MINK1: variants seen among roughly 807,000 people sequenced by gnomAD.
MINK1 encodes misshapen like kinase 1.
A neutral mutation model predicts 178.4 loss-of-function variants in MINK1; 46 were observed. The observed-to-expected ratio is 0.26, with a 90% CI of 0.20 to 0.33. The LOEUF (loss-of-function observed/expected upper bound fraction) is 0.33, where lower values mean the gene tolerates loss of function less well. MINK1 is among the 10% of genes least tolerant of loss of function. MINK1 has a pLI of 1.00. For missense variants in MINK1, 1,366 were observed against 1,814.9 expected, an observed-to-expected ratio of 0.75 and a Z score of 4.49; for synonymous variants, 797 against 709.7, an observed-to-expected ratio of 1.12 and a Z score of -1.96.
rs111836870 is a variant in MINK1 at position 4,842,210 on chromosome 17, C to T, written c.57+8570C>T. Among the ~76,000 whole-genome samples the T allele has an allele frequency of 1.8e-3, 232 of 125,972 alleles. 2 individuals carry two copies. The highest frequency in any genetic ancestry group is 9.5e-3 in the Middle Eastern group (2 of 210). 82.6% of individuals were successfully genotyped at this position (125,972 alleles called of 152,430 possible). A position where few individuals can be genotyped will look rare whatever the true frequency, so the allele number is the denominator to read the frequency against. Reference sequence around the variant, plus strand: ...CTGCACTCCAGCCTGGGCGACAGAGCGAGACTCTGTCCAAAAAAAAAAAAA... The same window carrying T: ...CTGCACTCCAGCCTGGGCGACAGAGTGAGACTCTGTCCAAAAAAAAAAAAA... On this transcript the variant is annotated intron_variant, in intron 1 of 31. Transcript: ENST00000355280.
At chr17:4,893,172 G>T (rs767896229) in intron 20 of MINK1, 105 bp downstream of exon 20, 90 of 1,520,082 alleles carry the variant, frequency 5.9e-5, no homozygotes, top group Non-Finnish European at 7.8e-5. Context: ...ACCGAGAAGG[G>T]CTGTGGGGAT....
rs760749453 is a variant in MINK1, at chr17:4,891,142, C to A, written c.1740+18C>A. On this transcript the variant is annotated intron_variant, in intron 15 of 31. Transcript: ENST00000355280. ...CGCACAAGGTGAGTCTCTCCCCACCCCTGTCTTAATGAAGACACAGGGAGC... is the reference window on the plus strand; with the variant it reads ...CGCACAAGGTGAGTCTCTCCCCACCACTGTCTTAATGAAGACACAGGGAGC... 10 of 1,493,090 alleles carry A rather than the reference C, an allele frequency of 6.7e-6. No homozygotes were observed. Among genetic ancestry groups the A allele is most frequent in the Non-Finnish European group, 8.0e-6 (9 of 1,122,242 alleles). 92.5% of individuals were successfully genotyped at this position (1,493,090 alleles called of 1,614,324 possible).
chr17:4,865,200 G>A (rs372786807), intron 1 of MINK1, among the ~76,000 whole-genome samples: 1 of 152,044 alleles, frequency 6.6e-6, no homozygotes, highest in Admixed American at 6.6e-5. Flanking sequence ...GGAGGCCGAG[G>A]CGGGCAGATC....
chr17:4,894,124 C>A lies in MINK1; in HGVS notation c.2670+31C>A. The A allele has an allele frequency of 6.2e-7, 1 of 1,608,576 alleles. No individual in the cohort carries two copies. The highest frequency in any genetic ancestry group is 8.5e-7 in the Non-Finnish European group (1 of 1,176,676). On this transcript the variant is annotated intron_variant, in intron 22 of 31. Transcript: ENST00000355280. The surrounding 1 kb of genome is among the most constrained non-coding windows in gnomAD (Gnocchi z 4.1). The stretch of plus-strand genomic sequence containing the variant: ...TGAGCCTCTGCTCCCTCCCCTGTAC[C>A]TGTGTGTGCCCTCCTCAGCCCCACG...
intron 2 of MINK1, 141 bp downstream of exon 2, chr17:4,878,523 G>T (rs1597500601): frequency 4.0e-6 from 3 of 741,226 alleles, no homozygotes; most frequent in East Asian, 5.9e-5. Context: ...AAGGTAGAGT[G>T]GGGGAGAGGA....
intron 1 of MINK1, among the ~76,000 whole-genome samples, chr17:4,860,073 G>A (rs1444523198): frequency 6.6e-6 from 1 of 150,432 alleles, no homozygotes; most frequent in African/African-American, 2.5e-5. Flanking sequence ...GGTCGCGTCC[G>A]GGAACTACTT....
chr17:4,895,206 C>T lies in MINK1; in HGVS notation c.3049C>T (p.Arg1017Ter). 1 of 1,614,102 alleles carries T rather than the reference C, an allele frequency of 6.2e-7. No homozygotes were observed. Among genetic ancestry groups the T allele is most frequent in the East Asian group, 2.2e-5 (1 of 44,874 alleles). ...ETPEIRKYKK[R>*]FNSEILCAAL... ...CCCTGAGATCCGGAAGTACAAGAAG[C>T]GATTCAACTCCGAGATCCTCTGTGC... The change falls in exon 25 of 32, where the codon CGA (arginine) becomes TGA (stop). Residue 1017 changes from arginine (R) to a stop codon, truncating the protein, a stop_gained. Coordinates refer to ENST00000355280, the MANE Select transcript of MINK1 (RefSeq NM_153827.5). LOFTEE classifies it high-confidence loss of function. This position sits in a 1 kb window ranked among gnomAD's most constrained non-coding sequence, Gnocchi z 4.3.
chr17:4,851,204 T>C (rs1477485648), intron 1 of MINK1, among the ~76,000 whole-genome samples: 1 of 152,234 alleles, frequency 6.6e-6, no homozygotes, highest in African/African-American at 2.4e-5. Context: ...AATGACTCTA[T>C]GCAAATTTGT....
In MINK1 at chr17:4,885,394, C is replaced by T. The variant is rs184521454; in HGVS notation, c.509-89C>T. 1,503 of 1,547,958 alleles carry T rather than the reference C, an allele frequency of 9.7e-4. 4 individuals are homozygous for T. The highest frequency in any genetic ancestry group is 7.7e-4 in the Non-Finnish European group (871 of 1,138,062). ...GGTCGGGCCAGGACCACAGCTGGCT[C>T]AGGCAAGTCCTGTGTGTGCACGCAG... On this transcript the variant is annotated intron_variant, in intron 6 of 31. Transcript: ENST00000355280. This position sits in a 1 kb window ranked among gnomAD's most constrained non-coding sequence, Gnocchi z 5.0.
chr17:4,893,744 T>A, intron 21 of MINK1, 147 bp downstream of exon 21: 1 of 1,204,224 alleles, frequency 8.3e-7, no homozygotes, highest in Non-Finnish European at 1.1e-6. Context: ...GGTTCCTGTC[T>A]CTCTCCCGCT....
chr17:4,854,282 C>G (rs953897524), intron 1 of MINK1, among the ~76,000 whole-genome samples: 7 of 152,166 alleles, frequency 4.6e-5, no homozygotes, highest in Non-Finnish European at 2.9e-5. Context: ...CCAGCTCCCT[C>G]CAGGTGTCAG....
rs536447697 is a variant in MINK1 at position 4,875,802 on chromosome 17, T to C, written c.58-2515T>C. Among the ~76,000 whole-genome samples the C allele has an allele frequency of 1.6e-4, 25 of 151,844 alleles. No individual in the cohort carries two copies. In the East Asian group the frequency reaches 2.0e-3, roughly 12 times the overall value. On this transcript the variant is annotated intron_variant, in intron 1 of 31. Coordinates refer to ENST00000355280, the MANE Select transcript of MINK1 (RefSeq NM_153827.5). ...AAATGAATAAATTTGTTAGGTTTTT[T>C]TTCCCCCCGCCGAGACAGAGCCTTG...
chr17:4,857,234 T>TG, intron 1 of MINK1: 1 of 279,938 alleles, frequency 3.6e-6, no homozygotes, highest in South Asian at 3.5e-5. Context: ...GGATCAGCTC[T>TG]GGCCACATGA....
chr17:4,864,340 A>C (rs1044032005), intron 1 of MINK1, among the ~76,000 whole-genome samples: 1 of 151,264 alleles, frequency 6.6e-6, no homozygotes, highest in East Asian at 2.0e-4. Flanking sequence ...CGGAGGTTGC[A>C]GTGAGCCGAA....
rs1374800621 is a variant in MINK1 at position 4,890,497 on chromosome 17, C to A, written c.1348-20C>A. On this transcript the variant is annotated intron_variant, in intron 13 of 31. Coordinates refer to ENST00000355280, the MANE Select transcript of MINK1 (RefSeq NM_153827.5). ...AGGGCCACACCCTGCTGAGCCCTCTCTCCCTACCCTTGGGCCCAGGAATAC... is the reference window on the plus strand; with the variant it reads ...AGGGCCACACCCTGCTGAGCCCTCTATCCCTACCCTTGGGCCCAGGAATAC... 1 of 1,572,900 alleles carries A rather than the reference C, an allele frequency of 6.4e-7. No homozygotes were observed.
intron 1 of MINK1, chr17:4,844,676 A>G (rs1449044342): frequency 2.4e-6 from 1 of 410,082 alleles, no homozygotes; most frequent in Non-Finnish European, 4.7e-6. Context: ...TTCTAAATGT[A>G]GGGCCGCTGG....
chr17:4,889,920 A>T lies in MINK1; in HGVS notation c.1347+157A>T, dbSNP rs1210690970. The T allele has an allele frequency of 2.8e-5, 17 of 606,256 alleles. No homozygotes were observed. In the East Asian group the frequency reaches 4.9e-4, roughly 18 times the overall value. 37.6% of individuals were successfully genotyped at this position (606,256 alleles called of 1,614,324 possible). ...TCTCTCTGTTTTCTCCCACCCTTCA[A>T]CCCCAACCCTGACCCCCTCCCTCTT... On this transcript the variant is annotated intron_variant, in intron 13 of 31. Transcript: ENST00000355280.
intron 2 of MINK1, among the ~76,000 whole-genome samples, chr17:4,880,259 G>C (rs947981437): frequency 3.3e-5 from 5 of 151,782 alleles, no homozygotes; most frequent in Non-Finnish European, 7.4e-5. Context: ...CATTCACTGA[G>C]GTGTGTAGCC....
rs2151012587 is a variant in MINK1 at position 4,885,171 on chromosome 17, C to T, written c.508+169C>T. Among the ~76,000 whole-genome samples the T allele has an allele frequency of 6.6e-6, 1 of 152,264 alleles. No homozygotes were observed. The stretch of plus-strand genomic sequence containing the variant: ...GAATGCCCTGCCTCCTGCTGAAAAT[C>T]CCTCAGGAAGCTCTTCACCTGTCAC... On this transcript the variant is annotated intron_variant, in intron 6 of 31. Coordinates refer to ENST00000355280, the MANE Select transcript of MINK1 (RefSeq NM_153827.5). The surrounding 1 kb of genome is among the most constrained non-coding windows in gnomAD (Gnocchi z 5.0).
Sources: allele counts gnomAD v4.1 joint callset (sites outside exome capture counted in the v4.1 genomes callset), GRCh38; gene constraint gnomAD v4.1.1; non-coding constraint Gnocchi (gnomAD v3.1); transcripts MANE v1.5; gene names NCBI Gene and HGNC (gene_info 2026-07-23, HGNC 2026-07-21).